Variants in DDAH1 observed in about 807,000 individuals in gnomAD.
The protein encoded by DDAH1 is dimethylarginine dimethylaminohydrolase 1.
Under a neutral mutation model 28.8 loss-of-function variants are expected in DDAH1, and 19 were observed. The observed-to-expected ratio is 0.66, with a 90% CI of 0.46 to 0.97. The LOEUF (loss-of-function observed/expected upper bound fraction) is 0.97, where lower values mean the gene tolerates loss of function less well. Ranked by LOEUF, DDAH1 falls within the 50% of genes least tolerant of loss-of-function variation. DDAH1 has a pLI of 0.00. For synonymous variants in DDAH1, 153 were observed against 154.4 expected (o/e 0.99, Z 0.07); for missense variants, 326 against 375.9 (o/e 0.87, Z 1.10).
chr1:85,539,138 C>CTTTCT (rs1419956887), intron 1 of DDAH1, among the ~76,000 whole-genome samples: 8 of 151,944 alleles, frequency 5.3e-5, no homozygotes, highest in South Asian at 2.1e-4. Flanking sequence ...ATTTCTTTTT[C>CTTTCT]TTTCTTTTCT....
At chr1:85,350,289 A>G in intron 4 of DDAH1, 126 bp downstream of exon 4, 1 of 1,261,476 alleles carries the variant, frequency 7.9e-7, no homozygotes, top group Non-Finnish European at 1.1e-6. Flanking sequence ...CACATCACAG[A>G]AGCTCAAATA....
rs373452227 is a variant in DDAH1 at position 85,542,814 on chromosome 1, C to G, written c.-123+35170G>C. The stretch of plus-strand genomic sequence containing the variant: ...GTCAAAGAAACACAGGTTTTTAAAC[C>G]ACATCAAGGAAATCTTTGAAACAAA... On this transcript the variant is annotated intron_variant, in intron 1 of 6. Coordinates refer to the DDAH1 transcript ENST00000426972. 3.3e-5 allele frequency among the ~76,000 whole-genome samples: 5 copies of G among 152,112 alleles called. No individual in the cohort carries two copies. In the East Asian group the frequency reaches 5.8e-4, roughly 18 times the overall value.
rs1655771327 is a variant in DDAH1 at position 85,475,609 on chromosome 1, A to G, written c.-7+20557T>C. The stretch of plus-strand genomic sequence containing the variant: ...TTGACAATGTATAGGCATAACTCTT[A>G]GAAAAATAGATCATGTAAACACTGT... On this transcript the variant is annotated intron_variant, in intron 2 of 6. Transcript: ENST00000426972. 4.6e-5 allele frequency among the ~76,000 whole-genome samples: 7 copies of G among 152,246 alleles called. No homozygotes were observed. In the South Asian group the frequency reaches 1.5e-3, roughly 32 times the overall value.
chr1:85,403,977 C>T (rs1189746403), intron 1 of DDAH1, among the ~76,000 whole-genome samples: 4 of 152,160 alleles, frequency 2.6e-5, no homozygotes, highest in African/African-American at 9.7e-5. Context: ...AATGTAATTG[C>T]TGACAATAAA....
intron 2 of DDAH1, among the ~76,000 whole-genome samples, chr1:85,487,040 G>A (rs115471078): frequency 8.1e-4 from 123 of 152,322 alleles, no homozygotes; most frequent in African/African-American, 2.9e-3. Context: ...TATAGTGTCC[G>A]TAAAACAATT....
chr1:85,323,989 A>G (rs1264600231), intron 5 of DDAH1, among the ~76,000 whole-genome samples: 1 of 138,220 alleles, frequency 7.2e-6, no homozygotes, highest in Non-Finnish European at 1.6e-5. Flanking sequence ...AAAAAAAAGG[A>G]CTGGGCATGG....
At chr1:85,407,860 T>A (rs1652479441) in intron 1 of DDAH1, among the ~76,000 whole-genome samples, 1 of 152,236 alleles carries the variant, frequency 6.6e-6, no homozygotes, top group African/African-American at 2.4e-5. Flanking sequence ...TATATTTATA[T>A]AAAATTCAAA....
intron 1 of DDAH1, among the ~76,000 whole-genome samples, chr1:85,539,961 T>G (rs1021812103): frequency 1.3e-5 from 2 of 151,956 alleles, no homozygotes; most frequent in African/African-American, 4.8e-5. Flanking sequence ...GCTTATAAAG[T>G]AGGTATTATA....
intron 1 of DDAH1, among the ~76,000 whole-genome samples, chr1:85,553,266 GC>G (rs1486950752): frequency 2.6e-5 from 4 of 152,214 alleles, no homozygotes; most frequent in Non-Finnish European, 5.9e-5. Flanking sequence ...GAGGAGGCTT[GC>G]CAAACTGCTG....
At chr1:85,512,659 A>G (rs866416756) in intron 1 of DDAH1, among the ~76,000 whole-genome samples, 1 of 152,256 alleles carries the variant, frequency 6.6e-6, no homozygotes, top group South Asian at 2.1e-4. Context: ...AAGTCTCAGG[A>G]TACAAAATCA....
chr1:85,537,232 G>A (rs1474626215), intron 1 of DDAH1, among the ~76,000 whole-genome samples: 7 of 151,516 alleles, frequency 4.6e-5, no homozygotes, highest in Middle Eastern at 3.2e-3. Context: ...TACTCAGGAG[G>A]TTGAGGTCGG....
chr1:85,406,024 C>A (rs1652390256), intron 1 of DDAH1, among the ~76,000 whole-genome samples: 1 of 152,204 alleles, frequency 6.6e-6, no homozygotes, highest in Non-Finnish European at 1.5e-5. Context: ...CACTATGTGC[C>A]AGGGCTACCT....
intron 1 of DDAH1, among the ~76,000 whole-genome samples, chr1:85,433,344 C>T (rs573953985): frequency 1.5e-4 from 23 of 152,194 alleles, no homozygotes; most frequent in African/African-American, 5.1e-4. Flanking sequence ...CTTTCTTCTC[C>T]ACCTTCGCAC....
intron 2 of DDAH1, chr1:85,493,553 T>C (rs1022181727): frequency 5.9e-5 from 9 of 152,310 alleles, no homozygotes; most frequent in African/African-American, 2.2e-4. Context: ...TGCTCCAATA[T>C]TGAACAAACA....
At position 85,351,653 on chromosome 1, in the gene DDAH1, A is replaced by G. The variant is rs1649215499; in HGVS notation, c.404-74T>C. On this transcript the variant is annotated intron_variant, in intron 2 of 5. Transcript: ENST00000284031. ...TACATCATTTCTTTTATCTATAAATAATGACCTTAAAGCATCACACAGTTC... is the reference window on the plus strand; with the variant it reads ...TACATCATTTCTTTTATCTATAAATGATGACCTTAAAGCATCACACAGTTC... 3 of 1,105,006 alleles carry G rather than the reference A, an allele frequency of 2.7e-6. No individual in the cohort carries two copies. The Admixed American group carries it at 5.1e-5, about 19-fold the overall frequency. 68.5% of individuals were successfully genotyped at this position (1,105,006 alleles called of 1,614,324 possible). A position where few individuals can be genotyped will look rare whatever the true frequency, so the allele number is the denominator to read the frequency against.
At chr1:85,487,552 G>A (rs1656245902) in intron 2 of DDAH1, among the ~76,000 whole-genome samples, 1 of 152,076 alleles carries the variant, frequency 6.6e-6, no homozygotes. Context: ...TTTTCCAAAT[G>A]AAATGTTTTT....
intron 1 of DDAH1, among the ~76,000 whole-genome samples, chr1:85,408,536 A>G (rs1652512597): frequency 6.6e-6 from 1 of 152,190 alleles, no homozygotes; most frequent in African/African-American, 2.4e-5. Context: ...CTTCTTGGAA[A>G]TCTTTTCATA....
chr1:85,569,795 G>T (rs1332383366), intron 1 of DDAH1, among the ~76,000 whole-genome samples: 1 of 152,238 alleles, frequency 6.6e-6, no homozygotes, highest in Non-Finnish European at 1.5e-5. Context: ...GGTGGAGGGA[G>T]TCTGGATCAG....
chr1:85,517,097 C>G (rs1215099983), intron 1 of DDAH1, among the ~76,000 whole-genome samples: 1 of 151,874 alleles, frequency 6.6e-6, no homozygotes, highest in African/African-American at 2.4e-5. Context: ...ACAGAACAGC[C>G]CTGAGGACTT....
Sources: gnomAD v4.1 joint callset for allele counts (sites outside exome capture counted in the v4.1 genomes callset) on GRCh38, gnomAD v4.1.1 for gene constraint, MANE v1.5 for transcripts, NCBI Gene and HGNC (gene_info 2026-07-23, HGNC 2026-07-21) for gene names.